Variants in DENND4C observed in about 807,000 individuals in gnomAD.
DENND4C encodes DENN domain containing 4C.
DENND4C carries 108 observed loss-of-function variants against 203.0 expected under a neutral mutation model. That is an observed-to-expected ratio of 0.53 (90% CI 0.46 to 0.62). The LOEUF (loss-of-function observed/expected upper bound fraction) is 0.62, where lower values mean the gene tolerates loss of function less well. DENND4C is among the 20% of genes least tolerant of loss of function. DENND4C has a pLI of 0.00. For synonymous variants in DENND4C, 871 were observed against 792.4 expected, an observed-to-expected ratio of 1.10 and a Z score of -1.67; for missense variants, 2,481 against 2,301.2, an observed-to-expected ratio of 1.08 and a Z score of -1.60.
In DENND4C at chr9:19,332,163, A is replaced by C. The variant is rs769958615; in HGVS notation, c.2439A>C (p.Thr813=). The change falls in exon 17 of 33, where the codon ACA becomes ACC. Residue 813 remains threonine (T), a synonymous_variant. Transcript: ENST00000434457. ...ATGTACTTATTAAGATGAGGAAAAC[A>C]GATGTGGATCCCTTAGATGAGGCAA... is the stretch of plus-strand genomic sequence containing the variant. ...AYDVLIKMRK[T]DVDPLDEVCY... is the part of the protein sequence containing the mutation. The C allele has an allele frequency of 1.2e-6, 2 of 1,613,870 alleles. No homozygotes were observed. The highest frequency in any genetic ancestry group is 2.7e-5 in the African/African-American group (2 of 74,922).
At chr9:19,354,296 C>G (rs1057074896) in intron 26 of DENND4C, among the ~76,000 whole-genome samples, 2 of 152,044 alleles carry the variant, frequency 1.3e-5, no homozygotes, top group African/African-American at 4.8e-5. Flanking sequence ...ATACATGTCC[C>G]CTTTTGGACT....
intron 30 of DENND4C, among the ~76,000 whole-genome samples, chr9:19,366,338 A>C (rs1827664117): frequency 6.6e-6 from 1 of 152,222 alleles, no homozygotes; most frequent in Non-Finnish European, 1.5e-5. Flanking sequence ...GCAGTGGCTC[A>C]CGCCTGTAAT....
intron 2 of DENND4C, among the ~76,000 whole-genome samples, chr9:19,285,762 C>T (rs1835080973): frequency 6.6e-6 from 1 of 152,204 alleles, no homozygotes; most frequent in Non-Finnish European, 1.5e-5. Flanking sequence ...GGTCCAGCTT[C>T]ATGCTTTTGC....
At chr9:19,299,418 G>C (rs923600237) in intron 8 of DENND4C, 131 bp downstream of exon 8, 2 of 585,418 alleles carry the variant, frequency 3.4e-6, no homozygotes, top group Non-Finnish European at 5.3e-6. Context: ...GTTAAAACTA[G>C]GCAAAAATAG....
chr9:19,287,571 T>C (rs1452330648), intron 3 of DENND4C, among the ~76,000 whole-genome samples: 2 of 152,048 alleles, frequency 1.3e-5, no homozygotes, highest in Non-Finnish European at 2.9e-5. Flanking sequence ...GGTCTTGAAC[T>C]CTTGACCTTA....
chr9:19,296,038 C>A lies in DENND4C; in HGVS notation c.832C>A (p.Pro278Thr). 2 of 1,613,974 alleles carry A rather than the reference C, an allele frequency of 1.2e-6. No individual in the cohort carries two copies. The part of the protein sequence containing the change: ...VYGAAIQFYE[P>T]YSRELLSEKQ... ...TGGAGCTGCCATTCAGTTTTATGAA[C>A]CTTACTCTCGGGAACTTCTATCAGA... Residue 278 changes from proline (P) to threonine (T), a missense_variant, in exon 6 of 33, where the codon CCT becomes ACT. Coordinates refer to ENST00000434457, the MANE Select transcript of DENND4C (RefSeq NM_001330640.2).
chr9:19,231,916 G>A (rs531077000), intron 1 of DENND4C, among the ~76,000 whole-genome samples: 29 of 152,216 alleles, frequency 1.9e-4, no homozygotes, highest in South Asian at 1.5e-3. Flanking sequence ...TAATGAGAGG[G>A]GAGAACGTTA....
chr9:19,346,976 C>T lies in DENND4C; in HGVS notation c.4207C>T (p.Leu1403Phe), dbSNP rs774814956. The T allele has an allele frequency of 3.1e-6, 5 of 1,614,188 alleles. No individual in the cohort carries two copies. The highest frequency in any genetic ancestry group is 4.2e-6 in the Non-Finnish European group (5 of 1,180,040). The stretch of plus-strand genomic sequence containing the variant: ...GTCAGGGCTAAAGCTGGATAATATA[C>T]TCTCAGGGCCCAAGATAGATGTCCT... ...SLSGLKLDNI[L>F]SGPKIDVLKS... The change falls in exon 23 of 33, where the codon CTC becomes TTC. Residue 1403 changes from leucine (L) to phenylalanine (F), a missense_variant. Coordinates refer to ENST00000434457, the MANE Select transcript of DENND4C (RefSeq NM_001330640.2).
At chr9:19,354,276 G>A (rs1165893069) in intron 26 of DENND4C, among the ~76,000 whole-genome samples, 1 of 152,052 alleles carries the variant, frequency 6.6e-6, no homozygotes, top group East Asian at 1.9e-4. Flanking sequence ...GTAATGCAGT[G>A]CACTGCAAAA....
At chr9:19,261,999 G>A (rs1829475088) in intron 1 of DENND4C, among the ~76,000 whole-genome samples, 1 of 148,442 alleles carries the variant, frequency 6.7e-6, no homozygotes, top group Non-Finnish European at 1.5e-5. Flanking sequence ...GGTCATTGTT[G>A]ACATATGGAA....
chr9:19,299,207 TTATC>T lies in DENND4C; in HGVS notation c.1108-20_1108-17del, dbSNP rs759423044. ...TTTGGTTAATTTATCTTTGGTTAAT[TTATC>T]TTTTTTTTTTTTTTAAGCTGTCAGT... On this transcript the variant is annotated intron_variant, in intron 7 of 32. Coordinates refer to ENST00000434457, the MANE Select transcript of DENND4C (RefSeq NM_001330640.2). 6.5e-7 allele frequency: 1 copy of T among 1,533,620 alleles called. No homozygotes were observed. The highest frequency in any genetic ancestry group is 2.2e-5 in the Admixed American group (1 of 44,944).
chr9:19,321,510 T>C (rs998451893), intron 12 of DENND4C, among the ~76,000 whole-genome samples: 1 of 152,006 alleles, frequency 6.6e-6, no homozygotes, highest in Non-Finnish European at 1.5e-5. Flanking sequence ...TTGTTTTTGT[T>C]TTTTAGATGG....
At chr9:19,352,214 T>C in intron 25 of DENND4C, 32 bp downstream of exon 25, 1 of 1,561,184 alleles carries the variant, frequency 6.4e-7, no homozygotes. Context: ...CATGATAAAG[T>C]AGCTGTAAGC....
At chr9:19,348,952 C>T (rs1006201738) in intron 23 of DENND4C, among the ~76,000 whole-genome samples, 5 of 152,086 alleles carry the variant, frequency 3.3e-5, no homozygotes, top group African/African-American at 7.2e-5. Flanking sequence ...GGACTCCAGG[C>T]GTGCCCCACC....
At chr9:19,354,883 A>G (rs1398228368) in intron 26 of DENND4C, among the ~76,000 whole-genome samples, 2 of 142,772 alleles carry the variant, frequency 1.4e-5, no homozygotes, top group African/African-American at 5.2e-5. Flanking sequence ...GCTTATGTTC[A>G]TTGCCTATTT....
At chr9:19,304,565 C>G (rs1425708362) in intron 9 of DENND4C, among the ~76,000 whole-genome samples, 1 of 149,990 alleles carries the variant, frequency 6.7e-6, no homozygotes, top group Non-Finnish European at 1.5e-5. Context: ...GAGACCGAGT[C>G]TCACTCTGTC....
chr9:19,257,757 C>T (rs1309285681), intron 1 of DENND4C, among the ~76,000 whole-genome samples: 1 of 152,124 alleles, frequency 6.6e-6, no homozygotes, highest in Non-Finnish European at 1.5e-5. Flanking sequence ...ATATTATGAA[C>T]AACTTTATGC....
intron 1 of DENND4C, among the ~76,000 whole-genome samples, chr9:19,264,273 G>A (rs1203385072): frequency 6.7e-6 from 1 of 150,276 alleles, no homozygotes; most frequent in Non-Finnish European, 1.5e-5. Flanking sequence ...ACGTTTTCCA[G>A]TTTATTGGTA....
At position 19,361,900 on chromosome 9, in the gene DENND4C, T is replaced by G. The variant is rs748923187; in HGVS notation, c.5461T>G (p.Trp1821Gly). ...CAAACTTGTGTATATTCAGCTGTTATGGGATAATATCAACCTTCATCAGGA... is the reference window on the plus strand; with the variant it reads ...CAAACTTGTGTATATTCAGCTGTTAGGGGATAATATCAACCTTCATCAGGA... ...DSKLVYIQLLWDNINLHQEPR... is the reference protein window; with the variant it reads ...DSKLVYIQLLGDNINLHQEPR... Residue 1821 changes from tryptophan (W) to glycine (G), a missense_variant, in exon 30 of 33, where the codon TGG becomes GGG. Physicochemically the swap from Trp to Gly is radical, Grantham distance 184 (BLOSUM62 -2). Coordinates refer to ENST00000434457, the MANE Select transcript of DENND4C (RefSeq NM_001330640.2). The G allele has an allele frequency of 1.2e-6, 2 of 1,613,086 alleles. No homozygotes were observed. Among genetic ancestry groups the G allele is most frequent in the Non-Finnish European group, 1.7e-6 (2 of 1,179,068 alleles).
Sources: gnomAD v4.1 joint callset for allele counts (sites outside exome capture counted in the v4.1 genomes callset) on GRCh38, gnomAD v4.1.1 for gene constraint, MANE v1.5 for transcripts, NCBI Gene and HGNC (gene_info 2026-07-23, HGNC 2026-07-21) for gene names.